Variants in SNPH observed in about 807,000 individuals in gnomAD.
SNPH encodes syntaphilin.
SNPH carries 10 observed loss-of-function variants against 36.8 expected under a neutral mutation model. The ratio of observed to expected loss-of-function variants is 0.27; its 90% CI spans 0.17 to 0.46. The LOEUF (loss-of-function observed/expected upper bound fraction) is 0.46. Ranked by LOEUF, SNPH falls within the 20% of genes least tolerant of loss-of-function variation. The pLI, the probability that SNPH is intolerant of heterozygous loss-of-function variation, is 1.00. For synonymous variants in SNPH, 281 were observed against 312.2 expected, an observed-to-expected ratio of 0.90 and a Z score of 1.05; for missense variants, 622 against 744.0, an observed-to-expected ratio of 0.84 and a Z score of 1.91.
Position 1,304,195 on chromosome 20 carries a change from A to T in SNPH, c.441-683A>T, listed in dbSNP as rs572869798. On this transcript the variant is annotated intron_variant, in intron 6 of 6. Coordinates refer to ENST00000381867, the MANE Select transcript of SNPH (RefSeq NM_001318234.2). The surrounding 1 kb of genome is among the most constrained non-coding windows in gnomAD (Gnocchi z 4.3). The stretch of plus-strand genomic sequence containing the variant: ...GCTTTTCCTCTTTAAGATACAAGAT[A>T]CAAGGAGATACAAAGATACAAAGAA... 9.2e-5 allele frequency among the ~76,000 whole-genome samples: 14 copies of T among 152,278 alleles called. No individual in the cohort carries two copies. The highest frequency in any genetic ancestry group is 2.9e-4 in the African/African-American group (12 of 41,546).
chr20:1,295,556 G>A (rs190306696), intron 3 of SNPH, among the ~76,000 whole-genome samples: 3 of 152,348 alleles, frequency 2.0e-5, no homozygotes, highest in Non-Finnish European at 2.9e-5. Context: ...ACCAGCATGC[G>A]CATTACATGG....
intron 2 of SNPH, among the ~76,000 whole-genome samples, chr20:1,280,251 C>T (rs1168826044): frequency 6.6e-6 from 1 of 152,188 alleles, no homozygotes; most frequent in Non-Finnish European, 1.5e-5. Flanking sequence ...CTCAGTAACT[C>T]CCAAAGGGTG....
chr20:1,300,753 G>C, intron 6 of SNPH, 42 bp downstream of exon 6: 2 of 1,570,434 alleles, frequency 1.3e-6, no homozygotes, highest in Non-Finnish European at 1.7e-6. Context: ...TACCCCACCA[G>C]CTCCACACTC....
chr20:1,266,611 G>A lies in SNPH; in HGVS notation c.-599-43G>A. Reference sequence around the variant, plus strand: ...TCAGCTGCCTGGGTGTTCCCCGCCCGCGCTCACCCGCCCCGGTCTATCTCT... The same window carrying A: ...TCAGCTGCCTGGGTGTTCCCCGCCCACGCTCACCCGCCCCGGTCTATCTCT... On this transcript the variant is annotated intron_variant, in intron 1 of 6. Coordinates refer to ENST00000381867, the MANE Select transcript of SNPH (RefSeq NM_001318234.2). This position sits in a 1 kb window ranked among gnomAD's most constrained non-coding sequence, Gnocchi z 6.0. The A allele has an allele frequency of 6.9e-7, 1 of 1,440,428 alleles. No homozygotes were observed. Among genetic ancestry groups the A allele is most frequent in the Admixed American group, 3.1e-5 (1 of 32,400 alleles). The allele number at this position is 1,440,428 out of a possible 1,614,324, so 89.2% of individuals were successfully genotyped here. A position where few individuals can be genotyped will look rare whatever the true frequency, so the allele number is the denominator to read the frequency against.
chr20:1,295,898 G>T lies in SNPH; in HGVS notation c.-342G>T, dbSNP rs1329031187. Reference sequence around the variant, plus strand: ...CAGCCTGCAGCCCCTACCAGAGAGGGAGGACTGAACAGCAAGGGGGTGTGT... The same window carrying T: ...CAGCCTGCAGCCCCTACCAGAGAGGTAGGACTGAACAGCAAGGGGGTGTGT... On this transcript the variant is annotated 5_prime_UTR_variant, in exon 4 of 7. Transcript: ENST00000381867. 4.0e-6 allele frequency: 1 copy of T among 248,822 alleles called. No homozygotes were observed. Among genetic ancestry groups the T allele is most frequent in the Non-Finnish European group, 7.6e-6 (1 of 131,512 alleles). The allele number at this position is 248,822 out of a possible 1,614,324, so 15.4% of individuals were successfully genotyped here. A position where few individuals can be genotyped will look rare whatever the true frequency, so the allele number is the denominator to read the frequency against.
At chr20:1,268,682 G>T (rs2088037902) in intron 2 of SNPH, among the ~76,000 whole-genome samples, 1 of 148,518 alleles carries the variant, frequency 6.7e-6, no homozygotes, top group Non-Finnish European at 1.5e-5. Context: ...CCAGCCTCTG[G>T]CCCATGAGTA....
rs1186071762 is a variant in SNPH at position 1,266,309 on chromosome 20, G to A, written c.-688G>A. ...CCCTCCCGGCAGCCCCAGCCCCGGC[G>A]AGCACCCAGCTAGCCGCCTCCTGCA... On this transcript the variant is annotated 5_prime_UTR_variant, in exon 1 of 7. Transcript: ENST00000381867. This position sits in a 1 kb window ranked among gnomAD's most constrained non-coding sequence, Gnocchi z 6.0. The A allele has an allele frequency of 5.5e-6, 1 of 180,684 alleles. No individual in the cohort carries two copies. The allele number at this position is 180,684 out of a possible 1,614,324, so 11.2% of individuals were successfully genotyped here.
In SNPH at chr20:1,306,298, G is replaced by A; in HGVS notation, c.*244G>A. The A allele has an allele frequency of 2.4e-6, 1 of 409,996 alleles. No individual in the cohort carries two copies. Among genetic ancestry groups the A allele is most frequent in the Non-Finnish European group, 4.2e-6 (1 of 235,956 alleles). 25.4% of individuals were successfully genotyped at this position (409,996 alleles called of 1,614,324 possible). A position where few individuals can be genotyped will look rare whatever the true frequency, so the allele number is the denominator to read the frequency against. The stretch of plus-strand genomic sequence containing the variant: ...AGGAGGTACACCAGCTGGACAAATT[G>A]CAGGGAGGGGAGGGAGCGAGGGCCA... On this transcript the variant is annotated 3_prime_UTR_variant, in exon 7 of 7. Transcript: ENST00000381867.
intron 2 of SNPH, among the ~76,000 whole-genome samples, chr20:1,289,551 AC>A (rs2088328977): frequency 7.8e-6 from 1 of 127,952 alleles, no homozygotes; most frequent in Non-Finnish European, 1.8e-5. Context: ...ACACACACAC[AC>A]ACACAATGGA....
rs2088603550 is a variant in SNPH, at chr20:1,308,000, T to G, written c.*1946T>G. On this transcript the variant is annotated 3_prime_UTR_variant, in exon 7 of 7. Transcript: ENST00000381867. ...AGCTGCGTAGTCTCCTCAGACATAG[T>G]CAAAGCTTTGCCGAGAAAAGAAATG... The G allele has an allele frequency of 6.5e-6, 1 of 152,698 alleles. No individual in the cohort carries two copies. The highest frequency in any genetic ancestry group is 2.4e-5 in the African/African-American group (1 of 41,482). 9.5% of individuals were successfully genotyped at this position (152,698 alleles called of 1,614,324 possible). A position where few individuals can be genotyped will look rare whatever the true frequency, so the allele number is the denominator to read the frequency against.
intron 2 of SNPH, among the ~76,000 whole-genome samples, chr20:1,293,718 G>A (rs544842493): frequency 4.3e-4 from 65 of 152,270 alleles, no homozygotes; most frequent in African/African-American, 1.5e-3. Context: ...ATGAATACCT[G>A]GCTCTGGGTG....
At chr20:1,292,142 G>A (rs1259769468) in intron 2 of SNPH, among the ~76,000 whole-genome samples, 1 of 148,184 alleles carries the variant, frequency 6.7e-6, no homozygotes, top group Non-Finnish European at 1.5e-5. Context: ...TTTCCCAGGG[G>A]ATGGTGTTCC....
intron 2 of SNPH, among the ~76,000 whole-genome samples, chr20:1,282,983 T>C (rs1007120697): frequency 6.6e-6 from 1 of 152,174 alleles, no homozygotes; most frequent in Non-Finnish European, 1.5e-5. Context: ...GAGAGTGCTA[T>C]GTCCACAGAG....
In SNPH at chr20:1,266,875, G is replaced by A. The variant is rs1225741252; in HGVS notation, c.-493+115G>A. The A allele has an allele frequency of 8.8e-6, 11 of 1,247,884 alleles. No homozygotes were observed. The highest frequency in any genetic ancestry group is 1.1e-5 in the Non-Finnish European group (11 of 991,498). 77.3% of individuals were successfully genotyped at this position (1,247,884 alleles called of 1,614,324 possible). ...CCTTGGAGGGCACCAGCCTAAGAGG[G>A]GTTAATCGTGACTCATTCTTACCCT... On this transcript the variant is annotated intron_variant, in intron 2 of 6. Transcript: ENST00000381867. This position sits in a 1 kb window ranked among gnomAD's most constrained non-coding sequence, Gnocchi z 6.0.
rs553366887 is a variant in SNPH at position 1,285,401 on chromosome 20, T to C, written c.-492-9550T>C. On this transcript the variant is annotated intron_variant, in intron 2 of 6. Coordinates refer to ENST00000381867, the MANE Select transcript of SNPH (RefSeq NM_001318234.2). The surrounding 1 kb of genome is among the most constrained non-coding windows in gnomAD (Gnocchi z 4.9). ...GGAACCTCTCAGATACAAACGAGTA[T>C]AGTATTTCAGATTAAGATTTTGGAC... 1.3e-5 allele frequency among the ~76,000 whole-genome samples: 2 copies of C among 152,272 alleles called. No homozygotes were observed. The highest frequency in any genetic ancestry group is 1.3e-4 in the Admixed American group (2 of 15,296).
In SNPH at chr20:1,305,782, G is replaced by A. The variant is rs780301142; in HGVS notation, c.1345G>A (p.Glu449Lys). ...GTCGGTGAGCGTGGTGTGCCCCATG[G>A]AAGAGGAGGAGGAGGCTGCCGTGGC... The part of the protein sequence containing the change: ...GQSVSVVCPM[E>K]EEEEAAVAEK... Residue 449 changes from glutamate (E) to lysine (K), a missense_variant, in exon 7 of 7, where the codon GAA becomes AAA. Transcript: ENST00000381867. 25 of 1,607,878 alleles carry A rather than the reference G, an allele frequency of 1.6e-5. No individual in the cohort carries two copies. The East Asian group carries it at 5.6e-4, about 36-fold the overall frequency.
At position 1,278,000 on chromosome 20, in the gene SNPH, C is replaced by CTGTG. The variant is rs563194020; in HGVS notation, c.-493+11248_-493+11251dup. Among the ~76,000 whole-genome samples the CTGTG allele has an allele frequency of 2.2e-5, 3 of 134,362 alleles. No homozygotes were observed. In the Admixed American group the frequency reaches 2.3e-4, roughly 10 times the overall value. 88.1% of individuals were successfully genotyped at this position (134,362 alleles called of 152,430 possible). ...CTGTGTGTGTGGCGTGTCTGTGTGT[C>CTGTG]TGTGTGTGTGTCAGTGTCTATGTAT... On this transcript the variant is annotated intron_variant, in intron 2 of 6. Transcript: ENST00000381867.
At chr20:1,270,605 C>T (rs1219545414) in intron 2 of SNPH, among the ~76,000 whole-genome samples, 1 of 152,176 alleles carries the variant, frequency 6.6e-6, no homozygotes, top group Non-Finnish European at 1.5e-5. Context: ...CAAGCTCACG[C>T]TGTAACACAA....
chr20:1,296,052 G>T lies in SNPH; in HGVS notation c.-188G>T. 1.9e-6 allele frequency: 1 copy of T among 533,092 alleles called. No homozygotes were observed. The highest frequency in any genetic ancestry group is 2.8e-5 in the South Asian group (1 of 35,524). The allele number at this position is 533,092 out of a possible 1,614,324, so 33.0% of individuals were successfully genotyped here. A position where few individuals can be genotyped will look rare whatever the true frequency, so the allele number is the denominator to read the frequency against. On this transcript the variant is annotated 5_prime_UTR_variant, in exon 4 of 7. Transcript: ENST00000381867. ...TTGGGCACGGCCTTCACTCTGTCTG[G>T]GGCACATTCACTCATCTGGAGAACA... is the stretch of plus-strand genomic sequence containing the variant.
Sources: gnomAD v4.1 joint callset for allele counts (sites outside exome capture counted in the v4.1 genomes callset) on GRCh38, gnomAD v4.1.1 for gene constraint, Gnocchi (gnomAD v3.1) non-coding constraint, MANE v1.5 for transcripts, NCBI Gene and HGNC (gene_info 2026-07-23, HGNC 2026-07-21) for gene names.